The following SMIM17 variants were observed in gnomAD, a reference collection of about 807,000 sequenced individuals.
SMIM17 encodes the protein small integral membrane protein 17.
Under a neutral mutation model 12.2 loss-of-function variants are expected in SMIM17, and 10 were observed. The ratio of observed to expected loss-of-function variants is 0.82; its 90% CI spans 0.50 to 1.39. SMIM17 has a LOEUF of 1.39. Among genes scored for constraint, SMIM17 ranks in the 40% most tolerant of loss-of-function variants. The pLI is 0.00. For missense variants in SMIM17, 136 were observed against 118.2 expected (o/e 1.15, Z -0.70); for synonymous variants, 50 against 44.1 (o/e 1.13, Z -0.53).
intron 3 of SMIM17, among the ~76,000 whole-genome samples, chr19:56,651,142 C>A (rs1483034293): frequency 6.6e-6 from 1 of 152,188 alleles, no homozygotes; most frequent in African/African-American, 2.4e-5. Flanking sequence ...AGGAGCTGGA[C>A]TTTGTGCTCT....
intron 3 of SMIM17, among the ~76,000 whole-genome samples, chr19:56,650,134 T>C (rs2045098198): frequency 6.6e-6 from 1 of 152,172 alleles, no homozygotes; most frequent in South Asian, 2.1e-4. Flanking sequence ...GTTGCCACTT[T>C]CCTTGTGCAT....
At chr19:56,646,733 G>A (rs984682378) in intron 2 of SMIM17, among the ~76,000 whole-genome samples, 8 of 152,182 alleles carry the variant, frequency 5.3e-5, no homozygotes, top group African/African-American at 1.4e-4. Flanking sequence ...TTGGGAGAAG[G>A]AATCAGTTCT....
intron 1 of SMIM17, among the ~76,000 whole-genome samples, chr19:56,644,022 C>A (rs927194505): frequency 6.6e-6 from 1 of 151,986 alleles, no homozygotes; most frequent in African/African-American, 2.4e-5. Context: ...CCTCCCCCCA[C>A]CATACCTCTG....
Position 56,656,897 on chromosome 19 carries a change from G to T in SMIM17, c.*1684G>T, listed in dbSNP as rs1440245747. On this transcript the variant is annotated 3_prime_UTR_variant, in exon 4 of 4. Coordinates refer to ENST00000598409, the MANE Select transcript of SMIM17 (RefSeq NM_001193628.2). ...TAGAACATGTCCATTTTTTGTAATT[G>T]TTTCACGAACATTTAAGATGAAGAT... is the stretch of plus-strand genomic sequence containing the variant. 6.6e-6 allele frequency among the ~76,000 whole-genome samples: 1 copy of T among 152,080 alleles called. No individual in the cohort carries two copies. Among genetic ancestry groups the T allele is most frequent in the Non-Finnish European group, 1.5e-5 (1 of 67,990 alleles).
At position 56,656,706 on chromosome 19, in the gene SMIM17, A is replaced by C. The variant is rs1057132946; in HGVS notation, c.*1493A>C. Among the ~76,000 whole-genome samples, 9 of 152,224 alleles carry C rather than the reference A, an allele frequency of 5.9e-5. No homozygotes were observed. The highest frequency in any genetic ancestry group is 1.0e-4 in the Non-Finnish European group (7 of 68,030). On this transcript the variant is annotated 3_prime_UTR_variant, in exon 4 of 4. Transcript: ENST00000598409. ...CTAAAAATTACATTGTAGTGTGTCT[A>C]AATATTACATTGTAGTGTTTCTAAA...
chr19:56,655,019 G>T, intron 3 of SMIM17, 84 bp from the exon 4 acceptor site: 1 of 551,440 alleles, frequency 1.8e-6, no homozygotes, highest in South Asian at 2.7e-5. Context: ...TTTCATTTCT[G>T]ATCATATAAG....
In SMIM17 at chr19:56,655,455, G is replaced by C. The variant is rs75710388; in HGVS notation, c.*242G>C. On this transcript the variant is annotated 3_prime_UTR_variant, in exon 4 of 4. Transcript: ENST00000598409. ...TTTTGTATACCACGGAGAAAGAAAA[G>C]TGCTAATTAATCATTAAGATGCCAC... 7,803 of 414,844 alleles carry C rather than the reference G, an allele frequency of 0.019. 388 individuals carry two copies. The highest frequency in any genetic ancestry group is 0.12 in the African/African-American group (6,080 of 49,106). 25.7% of individuals were successfully genotyped at this position (414,844 alleles called of 1,614,324 possible).
Position 56,647,636 on chromosome 19 carries a change from T to C in SMIM17, c.246+2T>C, listed in dbSNP as rs2045074961. Reference sequence around the variant, plus strand: ...GATGACGAATCAGAGGGCTCCCAGGTACACTGGGGGGTTTGTTCTTTTTCC... The same window carrying C: ...GATGACGAATCAGAGGGCTCCCAGGCACACTGGGGGGTTTGTTCTTTTTCC... On this transcript the variant is annotated splice_donor_variant, in intron 3 of 3. Transcript: ENST00000598409. LOFTEE classifies it high-confidence loss of function. 1 of 1,535,070 alleles carries C rather than the reference T, an allele frequency of 6.5e-7. No individual in the cohort carries two copies. The highest frequency in any genetic ancestry group is 1.2e-5 in the South Asian group (1 of 84,026).
chr19:56,646,725 G>A (rs1446170029), intron 2 of SMIM17, among the ~76,000 whole-genome samples: 1 of 152,142 alleles, frequency 6.6e-6, no homozygotes, highest in African/African-American at 2.4e-5. Flanking sequence ...GGACATCTTT[G>A]GGAGAAGGAA....
intron 1 of SMIM17, among the ~76,000 whole-genome samples, chr19:56,643,669 C>T (rs1489769686): frequency 1.3e-5 from 2 of 152,222 alleles, no homozygotes; most frequent in Admixed American, 6.5e-5. Context: ...GTGGACCACC[C>T]TGCAACGGTG....
intron 3 of SMIM17, 135 bp downstream of exon 3, chr19:56,647,769 A>G (rs1452457222): frequency 6.8e-6 from 5 of 737,526 alleles, no homozygotes; most frequent in South Asian, 3.5e-5. Context: ...TCTGATCTCT[A>G]TGGTGATCAG....
rs548143667 is a variant in SMIM17 at position 56,653,704 on chromosome 19, G to A, written c.247-1399G>A. On this transcript the variant is annotated intron_variant, in intron 3 of 3. Transcript: ENST00000598409. Reference sequence around the variant, plus strand: ...TGGTGCTCTACCAGGTTTGGGAACTGCTTAAGTGGGTCATTGTCCCTAGGT... The same window carrying A: ...TGGTGCTCTACCAGGTTTGGGAACTACTTAAGTGGGTCATTGTCCCTAGGT... Among the ~76,000 whole-genome samples the A allele has an allele frequency of 1.4e-4, 21 of 152,314 alleles. No individual in the cohort carries two copies. The South Asian group carries it at 3.7e-3, about 27-fold the overall frequency.
chr19:56,651,706 T>A lies in SMIM17; in HGVS notation c.247-3397T>A, dbSNP rs151137976. 2.6e-4 allele frequency among the ~76,000 whole-genome samples: 40 copies of A among 152,240 alleles called. 1 individual carries two copies. Among genetic ancestry groups the A allele is most frequent in the African/African-American group, 9.6e-4 (40 of 41,540 alleles). On this transcript the variant is annotated intron_variant, in intron 3 of 3. Transcript: ENST00000598409. ...TCGGGGTTGATAATGATCTGCTTCCTGTTTGGGGTGCTAGTTACATGGTGT... is the reference window on the plus strand; with the variant it reads ...TCGGGGTTGATAATGATCTGCTTCCAGTTTGGGGTGCTAGTTACATGGTGT...
chr19:56,643,462 GC>G (rs573014692), intron 1 of SMIM17, among the ~76,000 whole-genome samples: 43 of 152,258 alleles, frequency 2.8e-4, no homozygotes, highest in African/African-American at 9.4e-4. Context: ...CTGTGTCCTG[GC>G]TTGGGGGTTG....
chr19:56,648,056 TCCA>T (rs1434409468), intron 3 of SMIM17, among the ~76,000 whole-genome samples: 2 of 10,554 alleles, frequency 1.9e-4, no homozygotes, highest in Admixed American at 8.9e-4. Context: ...ACCCATTCCA[TCCA>T]TCCATCCATC....
In SMIM17 at chr19:56,647,644, G is replaced by T; in HGVS notation, c.246+10G>T. 1 of 1,535,188 alleles carries T rather than the reference G, an allele frequency of 6.5e-7. No individual in the cohort carries two copies. The highest frequency in any genetic ancestry group is 1.4e-5 in the African/African-American group (1 of 73,076). ...ATCAGAGGGCTCCCAGGTACACTGG[G>T]GGGTTTGTTCTTTTTCCACAAATGT... On this transcript the variant is annotated intron_variant, in intron 3 of 3. Coordinates refer to ENST00000598409, the MANE Select transcript of SMIM17 (RefSeq NM_001193628.2).
intron 2 of SMIM17, among the ~76,000 whole-genome samples, chr19:56,646,854 C>T (rs1484180990): frequency 1.3e-5 from 2 of 152,168 alleles, no homozygotes; most frequent in Non-Finnish European, 2.9e-5. Context: ...ATCTCAATGA[C>T]ACCCCATAGC....
At chr19:56,650,211 G>A (rs1364841422) in intron 3 of SMIM17, among the ~76,000 whole-genome samples, 2 of 152,054 alleles carry the variant, frequency 1.3e-5, no homozygotes, top group African/African-American at 4.8e-5. Flanking sequence ...TCTGTCACCA[G>A]GCTGGAGTGC....
intron 2 of SMIM17, among the ~76,000 whole-genome samples, 170 bp from the exon 3 acceptor site, chr19:56,647,388 T>C (rs1244024498): frequency 1.4e-5 from 2 of 147,960 alleles, no homozygotes; most frequent in Admixed American, 6.6e-5. Flanking sequence ...TGTGTTTGTG[T>C]GTGTGTGAGA....
Sources: gnomAD v4.1 joint callset for allele counts (sites outside exome capture counted in the v4.1 genomes callset) on GRCh38, gnomAD v4.1.1 for gene constraint, MANE v1.5 for transcripts, NCBI Gene and HGNC (gene_info 2026-07-23, HGNC 2026-07-21) for gene names.